Variants in NTNG1 observed in about 807,000 individuals in gnomAD.
NTNG1 encodes netrin-G1.
NTNG1 carries 16 observed loss-of-function variants against 54.0 expected under a neutral mutation model. The observed-to-expected ratio is 0.30, with a 90% CI of 0.20 to 0.45. The LOEUF is 0.45. NTNG1 is among the 20% of genes least tolerant of loss of function. The pLI, the probability that NTNG1 is intolerant of heterozygous loss-of-function variation, is 1.00. For missense variants in NTNG1, 530 were observed against 678.7 expected, an observed-to-expected ratio of 0.78 and a Z score of 2.43; for synonymous variants, 255 against 263.1, an observed-to-expected ratio of 0.97 and a Z score of 0.30.
Position 107,482,663 on chromosome 1 carries a change from T to C in NTNG1, c.*1823T>C, listed in dbSNP as rs1678800256. 1 of 152,154 alleles carries C rather than the reference T, an allele frequency of 6.6e-6. No individual in the cohort carries two copies. Among genetic ancestry groups the C allele is most frequent in the Non-Finnish European group, 1.5e-5 (1 of 68,018 alleles). The allele number at this position is 152,154 out of a possible 1,614,324, so 9.4% of individuals were successfully genotyped here. A position where few individuals can be genotyped will look rare whatever the true frequency, so the allele number is the denominator to read the frequency against. The stretch of plus-strand genomic sequence containing the variant: ...TACATGACTTGGTAGAACAATAACC[T>C]ATGATAGTGTAAGGTCAGAAACCTA... On this transcript the variant is annotated 3_prime_UTR_variant, in exon 8 of 8. Coordinates refer to ENST00000370068, the MANE Select transcript of NTNG1 (RefSeq NM_001113226.3).
At position 107,407,768 on chromosome 1, in the gene NTNG1, T is replaced by G. The variant is rs1221853421; in HGVS notation, c.1087+60T>G. The G allele has an allele frequency of 2.9e-6, 4 of 1,360,532 alleles. No individual in the cohort carries two copies. In the East Asian group the frequency reaches 9.2e-5, roughly 31 times the overall value. The allele number at this position is 1,360,532 out of a possible 1,614,324, so 84.3% of individuals were successfully genotyped here. ...CAAGTCTAGGCTAGCTTTGCTTTGT[T>G]GTTCACCTCCTCAGATCTATTTTCC... On this transcript the variant is annotated intron_variant, in intron 5 of 7. Coordinates refer to ENST00000370068, the MANE Select transcript of NTNG1 (RefSeq NM_001113226.3).
intron 2 of NTNG1, among the ~76,000 whole-genome samples, chr1:107,282,707 T>C (rs1307711196): frequency 6.6e-6 from 1 of 152,184 alleles, no homozygotes; most frequent in Non-Finnish European, 1.5e-5. Flanking sequence ...GATTATATTA[T>C]AGCACTGTCC....
At position 107,436,769 on chromosome 1, in the gene NTNG1, C is replaced by T; in HGVS notation, c.1360C>T (p.Pro454Ser). The part of the protein sequence containing the change: ...TTGPKCDECL[P>S]GNSWHYGCQP... ...AGGGCCTAAGTGTGATGAGTGTCTG[C>T]CGGGAAATTCCTGGCACTACGGCTG... is the stretch of plus-strand genomic sequence containing the variant. The change falls in exon 7 of 8, where the codon CCG becomes TCG. Residue 454 changes from proline (P) to serine (S), a missense_variant. By Grantham distance (74) the Pro-to-Ser change is moderately conservative (BLOSUM62 -1). Around this residue, in one of 2 missense-constraint regions of NTNG1, gnomAD observed 212 missense variants for 213.6 expected, o/e 0.99. Transcript: ENST00000370068. The T allele has an allele frequency of 6.2e-7, 1 of 1,613,298 alleles. No individual in the cohort carries two copies. The highest frequency in any genetic ancestry group is 8.5e-7 in the Non-Finnish European group (1 of 1,179,490).
intron 3 of NTNG1, among the ~76,000 whole-genome samples, chr1:107,348,395 G>A (rs1043382450): frequency 6.6e-6 from 1 of 152,162 alleles, no homozygotes; most frequent in African/African-American, 2.4e-5. Flanking sequence ...CTAAATGCTA[G>A]GATTACAGGC....
At chr1:107,190,189 G>C (rs1657796528) in intron 2 of NTNG1, among the ~76,000 whole-genome samples, 1 of 152,020 alleles carries the variant, frequency 6.6e-6, no homozygotes, top group African/African-American at 2.4e-5. Context: ...TTGTTTAATG[G>C]GCACAGAGTT....
rs146295235 is a variant in NTNG1 at position 107,155,539 on chromosome 1, T to G, written c.246+6700T>G. On this transcript the variant is annotated intron_variant, in intron 2 of 7. Coordinates refer to ENST00000370068, the MANE Select transcript of NTNG1 (RefSeq NM_001113226.3). ...CTGTACTCCACCATTTAGCACCTCA[T>G]TAGATCTTATTGATTTATATACCCA... Among the ~76,000 whole-genome samples, 29 of 152,248 alleles carry G rather than the reference T, an allele frequency of 1.9e-4. No homozygotes were observed. The East Asian group carries it at 5.6e-3, about 29-fold the overall frequency.
intron 2 of NTNG1, among the ~76,000 whole-genome samples, chr1:107,226,413 T>C (rs6662870): frequency 0.082 from 12,441 of 152,214 alleles, 770 homozygotes; most frequent in African/African-American, 0.18. Context: ...CCCTCTCTCA[T>C]TGTGTAAGAT....
intron 2 of NTNG1, among the ~76,000 whole-genome samples, chr1:107,273,359 A>T (rs1406795016): frequency 2.0e-5 from 3 of 152,362 alleles, no homozygotes; most frequent in Middle Eastern, 3.4e-3. Flanking sequence ...GCAAATTATT[A>T]TAAACTACTG....
intron 6 of NTNG1, among the ~76,000 whole-genome samples, chr1:107,432,756 A>G (rs1372991393): frequency 6.6e-6 from 1 of 152,178 alleles, no homozygotes; most frequent in Non-Finnish European, 1.5e-5. Flanking sequence ...ATGATTTTAA[A>G]TCAATCTAAA....
intron 2 of NTNG1, among the ~76,000 whole-genome samples, chr1:107,253,328 A>G (rs368855696): frequency 5.3e-4 from 81 of 152,358 alleles, no homozygotes; most frequent in African/African-American, 1.9e-3. Context: ...TCTTCATGAC[A>G]TAAGGTGAAG....
chr1:107,403,070 A>G (rs1182500821), intron 4 of NTNG1, among the ~76,000 whole-genome samples: 1 of 152,182 alleles, frequency 6.6e-6, no homozygotes, highest in African/African-American at 2.4e-5. Context: ...CTTAAGCATA[A>G]CAGTGTACCC....
chr1:107,407,743 C>G, intron 5 of NTNG1, 35 bp downstream of exon 5: 1 of 1,568,066 alleles, frequency 6.4e-7, no homozygotes, highest in Non-Finnish European at 8.8e-7. Context: ...AACACCAAAC[C>G]AAGTCTAGGC....
chr1:107,160,020 C>G (rs1305823660), intron 2 of NTNG1, among the ~76,000 whole-genome samples: 3 of 152,134 alleles, frequency 2.0e-5, no homozygotes, highest in Non-Finnish European at 1.5e-5. Flanking sequence ...TTAACAAAAT[C>G]ATATTCTTGT....
chr1:107,252,592 T>G (rs984341204), intron 2 of NTNG1, among the ~76,000 whole-genome samples: 1 of 152,220 alleles, frequency 6.6e-6, no homozygotes, highest in African/African-American at 2.4e-5. Flanking sequence ...TCAGTTTTGC[T>G]GTTTCCCCCT....
At chr1:107,217,803 T>C (rs112018565) in intron 2 of NTNG1, among the ~76,000 whole-genome samples, 2,422 of 152,300 alleles carry the variant, frequency 0.016, 58 homozygotes, top group African/African-American at 0.055. Context: ...CACTGTGGTC[T>C]GAGAGAGTAC....
intron 3 of NTNG1, among the ~76,000 whole-genome samples, chr1:107,376,809 C>T (rs540177782): frequency 1.3e-5 from 2 of 151,916 alleles, no homozygotes; most frequent in Admixed American, 6.6e-5. Flanking sequence ...CTTTTGCTGC[C>T]CCCCCAGCCA....
rs765699018 is a variant in NTNG1 at position 107,324,794 on chromosome 1, C to G, written c.759C>G (p.Leu253=). 1 of 1,613,580 alleles carries G rather than the reference C, an allele frequency of 6.2e-7. No homozygotes were observed. Among genetic ancestry groups the G allele is most frequent in the South Asian group, 1.1e-5 (1 of 91,070 alleles). The change falls in exon 3 of 8, where the codon CTC becomes CTG. Residue 253 remains leucine, a synonymous_variant. Coordinates refer to ENST00000370068, the MANE Select transcript of NTNG1 (RefSeq NM_001113226.3). The part of the protein sequence containing the change: ...LYGQLDTTKK[L]RDFFTVTDLR... ...GACAGCTGGATACAACCAAGAAACT[C>G]AGAGATTTCTTTACAGTCACAGACC...
chr1:107,229,177 AG>A (rs1660886827), intron 2 of NTNG1, among the ~76,000 whole-genome samples: 1 of 151,894 alleles, frequency 6.6e-6, no homozygotes, highest in Admixed American at 6.6e-5. Context: ...TCATAAATGA[AG>A]AAGGGCTCTT....
At chr1:107,141,706 G>C (rs113605224) in intron 1 of NTNG1, among the ~76,000 whole-genome samples, 5 of 152,174 alleles carry the variant, frequency 3.3e-5, no homozygotes, top group Non-Finnish European at 5.9e-5. Context: ...GTGCGCCCCG[G>C]GCCGGTGATG....
Sources: allele counts gnomAD v4.1 joint callset (sites outside exome capture counted in the v4.1 genomes callset), GRCh38; gene constraint gnomAD v4.1.1; regional missense constraint gnomAD v4.1.1; transcripts MANE v1.5; gene names NCBI Gene and HGNC (gene_info 2026-07-23, HGNC 2026-07-21).